The following CTNNAL1 variants were observed in gnomAD, a reference collection of about 807,000 sequenced individuals.
The protein encoded by CTNNAL1 is alpha-catulin.
CTNNAL1 carries 69 observed loss-of-function variants against 93.6 expected under a neutral mutation model. The observed-to-expected ratio is 0.74, with a 90% CI of 0.61 to 0.90. The LOEUF is 0.90. Among genes scored for constraint, CTNNAL1 ranks in the 40% least tolerant of loss-of-function variants. CTNNAL1 has a pLI of 0.00. For missense variants in CTNNAL1, 836 were observed against 862.0 expected (o/e 0.97, Z 0.38); for synonymous variants, 286 against 305.4 (o/e 0.94, Z 0.66).
chr9:108,950,556 T>C, intron 14 of CTNNAL1: 1 of 1,550,502 alleles, frequency 6.4e-7, no homozygotes, highest in Non-Finnish European at 8.7e-7. Context: ...AGGAAAATGA[T>C]GCCTCTAAGC....
At position 108,942,780 on chromosome 9, in the gene CTNNAL1, T is replaced by G; in HGVS notation, c.2194A>C (p.Ser732Arg). The change falls in exon 19 of 19, where the codon AGT becomes CGT. Residue 732 changes from serine (S) to arginine (R), a missense_variant. Ser to Arg is a moderately radical substitution (Grantham distance 110). Coordinates refer to ENST00000325551, the MANE Select transcript of CTNNAL1 (RefSeq NM_003798.4). ...VSVTNKDTMDSKT is the reference protein window; with the variant it reads ...VSVTNKDTMDRKT ...ACCCCAAAAGCTTCTCAAGTTTTAC[T>G]ATCCATAGTGTCCTTATTTGTAACT... The G allele has an allele frequency of 6.2e-7, 1 of 1,609,966 alleles. No homozygotes were observed. Among genetic ancestry groups the G allele is most frequent in the African/African-American group, 1.3e-5 (1 of 74,954 alleles).
chr9:108,972,474 G>T (rs1288758720), intron 9 of CTNNAL1, among the ~76,000 whole-genome samples: 1 of 152,046 alleles, frequency 6.6e-6, no homozygotes, highest in Non-Finnish European at 1.5e-5. Flanking sequence ...TTCATTTGTG[G>T]GTCTTAGCAT....
chr9:108,952,576 A>G, intron 12 of CTNNAL1, 82 bp from the exon 13 acceptor site: 1 of 1,540,290 alleles, frequency 6.5e-7, no homozygotes, highest in Non-Finnish European at 8.8e-7. Flanking sequence ...ACAAAGCATA[A>G]CAAAGTACTT....
At chr9:108,976,917 A>T in intron 8 of CTNNAL1, 45 bp downstream of exon 8, 1 of 794,620 alleles carries the variant, frequency 1.3e-6, no homozygotes. Flanking sequence ...TACAACATGA[A>T]AATCACAAAG....
intron 1 of CTNNAL1, among the ~76,000 whole-genome samples, chr9:109,008,802 T>A (rs2132223971): frequency 6.6e-6 from 1 of 151,952 alleles, no homozygotes; most frequent in Admixed American, 6.6e-5. Flanking sequence ...CTACAAATCA[T>A]TTGTTGGTTA....
At chr9:108,972,865 A>ACCTG in intron 8 of CTNNAL1, 32 bp from the exon 9 acceptor site, 2 of 219,282 alleles carry the variant, frequency 9.1e-6, no homozygotes, top group Non-Finnish European at 1.2e-5. Context: ...GGGGGGTGGG[A>ACCTG]GGGTGGAGAA....
In CTNNAL1 at chr9:108,943,979, G is replaced by C; in HGVS notation, c.1924C>G (p.Gln642Glu). 6.2e-7 allele frequency: 1 copy of C among 1,613,712 alleles called. No homozygotes were observed. The highest frequency in any genetic ancestry group is 8.5e-7 in the Non-Finnish European group (1 of 1,179,846). ...TGTGTTACCTGTTTTGAAAAAGCTT[G>C]AACACTGGAAGTAAGCTTTAAACCC... is the stretch of plus-strand genomic sequence containing the variant. ...AEGLKLTSSV[Q>E]AFSKQLKDDD... The change falls in exon 16 of 19, where the codon CAA (glutamine) becomes GAA (glutamate). Residue 642 changes from glutamine to glutamate, a missense_variant. Coordinates refer to ENST00000325551, the MANE Select transcript of CTNNAL1 (RefSeq NM_003798.4).
At position 108,983,231 on chromosome 9, in the gene CTNNAL1, C is replaced by A. The variant is rs1831491724; in HGVS notation, c.814G>T (p.Val272Phe). 2.5e-6 allele frequency: 4 copies of A among 1,596,988 alleles called. No homozygotes were observed. Among genetic ancestry groups the A allele is most frequent in the Non-Finnish European group, 3.4e-6 (4 of 1,171,460 alleles). ...FDRMKVALDK[V>F]IEIVTDCKPN... is the part of the protein sequence containing the mutation. The stretch of plus-strand genomic sequence containing the variant: ...TTACAGTCAGTCACAATTTCAATGA[C>A]CTTATCCAATGCCACTTTCATACGG... Residue 272 changes from valine to phenylalanine, a missense_variant, in exon 6 of 19, where the codon GTC becomes TTC. Coordinates refer to ENST00000325551, the MANE Select transcript of CTNNAL1 (RefSeq NM_003798.4).
In CTNNAL1 at chr9:108,946,159, C is replaced by T. The variant is rs575145956; in HGVS notation, c.1884+2027G>A. On this transcript the variant is annotated intron_variant, in intron 15 of 18. Transcript: ENST00000325551. ...ACTAAAAATACAAAAATTAGCTGGG[C>T]GTGGTAGCGCACACCTGTAGTCCCA... 1.9e-3 allele frequency among the ~76,000 whole-genome samples: 286 copies of T among 152,046 alleles called. 3 individuals are homozygous for T. Among genetic ancestry groups the T allele is most frequent in the Non-Finnish European group, 1.5e-4 (10 of 68,004 alleles).
intron 2 of CTNNAL1, among the ~76,000 whole-genome samples, chr9:108,997,149 C>A (rs1832053107): frequency 6.6e-6 from 1 of 152,146 alleles, no homozygotes; most frequent in Non-Finnish European, 1.5e-5. Flanking sequence ...CCACATAAAA[C>A]CTATTCTCTG....
At chr9:109,005,600 C>T (rs1305033737) in intron 1 of CTNNAL1, among the ~76,000 whole-genome samples, 1 of 152,160 alleles carries the variant, frequency 6.6e-6, no homozygotes, top group African/African-American at 2.4e-5. Context: ...TGTGGACCCT[C>T]ACTGGATACT....
chr9:108,978,120 A>C (rs1156256614), intron 7 of CTNNAL1, among the ~76,000 whole-genome samples: 1 of 152,254 alleles, frequency 6.6e-6, no homozygotes, highest in East Asian at 1.9e-4. Context: ...TCACATTCCC[A>C]ACAGAGTATT....
intron 1 of CTNNAL1, 39 bp from the exon 2 acceptor site, chr9:108,999,295 C>A: frequency 6.5e-7 from 1 of 1,533,280 alleles, no homozygotes; most frequent in Non-Finnish European, 8.8e-7. Context: ...ATCTCAATAC[C>A]TTTTCTTTTT....
At chr9:108,983,934 C>A (rs1192053307) in intron 5 of CTNNAL1, among the ~76,000 whole-genome samples, 5 of 152,208 alleles carry the variant, frequency 3.3e-5, no homozygotes, top group African/African-American at 1.2e-4. Context: ...AAAGTGGAAA[C>A]AGGAATTAAA....
chr9:108,993,968 A>T (rs1299104744), intron 2 of CTNNAL1, among the ~76,000 whole-genome samples: 1 of 152,176 alleles, frequency 6.6e-6, no homozygotes, highest in Non-Finnish European at 1.5e-5. Flanking sequence ...AGTGGCTCAC[A>T]CCTGTAATCC....
chr9:108,959,245 G>C (rs1830764626), intron 11 of CTNNAL1, among the ~76,000 whole-genome samples: 1 of 151,070 alleles, frequency 6.6e-6, no homozygotes, highest in African/African-American at 2.4e-5. Context: ...GGCGCCTGTA[G>C]TCCCAGTTAC....
intron 4 of CTNNAL1, among the ~76,000 whole-genome samples, chr9:108,989,778 G>A (rs950147968): frequency 7.2e-5 from 11 of 152,170 alleles, no homozygotes; most frequent in African/African-American, 2.7e-4. Flanking sequence ...GGCTGGGCAC[G>A]GTGATTCACG....
chr9:108,942,756 C>T lies in CTNNAL1; in HGVS notation c.*13G>A. 6.5e-7 allele frequency: 1 copy of T among 1,547,612 alleles called. No individual in the cohort carries two copies. Among genetic ancestry groups the T allele is most frequent in the Non-Finnish European group, 8.9e-7 (1 of 1,121,130 alleles). ...ATCACATGATGTTCCAGAGATCTGA[C>T]CCCAAAAGCTTCTCAAGTTTTACTA... On this transcript the variant is annotated 3_prime_UTR_variant, in exon 19 of 19. Coordinates refer to ENST00000325551, the MANE Select transcript of CTNNAL1 (RefSeq NM_003798.4).
At position 108,955,781 on chromosome 9, in the gene CTNNAL1, T is replaced by C; in HGVS notation, c.1629+9A>G. 6.2e-7 allele frequency: 1 copy of C among 1,600,430 alleles called. No homozygotes were observed. Among genetic ancestry groups the C allele is most frequent in the East Asian group, 2.3e-5 (1 of 43,744 alleles). ...AACATTCTGCAATGTACATAATTCT[T>C]CTACTTACCATTGGCTTTGGAAGTG... On this transcript the variant is annotated intron_variant, in intron 12 of 18. Coordinates refer to ENST00000325551, the MANE Select transcript of CTNNAL1 (RefSeq NM_003798.4).
Sources: allele counts gnomAD v4.1 joint callset (sites outside exome capture counted in the v4.1 genomes callset), GRCh38; gene constraint gnomAD v4.1.1; transcripts MANE v1.5; gene names NCBI Gene and HGNC (gene_info 2026-07-23, HGNC 2026-07-21).